The following MAEA variants were observed in gnomAD, a reference collection of about 807,000 sequenced individuals.
MAEA encodes E3 ubiquitin-protein transferase MAEA.
Under a neutral mutation model 46.2 loss-of-function variants are expected in MAEA, and 22 were observed. That is an observed-to-expected ratio of 0.48 (90% CI 0.34 to 0.68). The LOEUF (loss-of-function observed/expected upper bound fraction) is 0.68. MAEA is among the 30% of genes least tolerant of loss of function. The pLI is 0.01. For missense variants in MAEA, 393 were observed against 558.1 expected (o/e 0.70, Z 2.98); for synonymous variants, 246 against 222.6 (o/e 1.11, Z -0.94).
intron 5 of MAEA, chr4:1,330,117 A>G (rs1393102830): frequency 7.1e-6 from 7 of 985,312 alleles, no homozygotes; most frequent in Middle Eastern, 5.2e-4. Context: ...GCGAAATGCA[A>G]AAGTATGAGC....
chr4:1,299,755 T>C (rs1040286846), intron 1 of MAEA: 5 of 152,304 alleles, frequency 3.3e-5, no homozygotes, highest in African/African-American at 1.2e-4. Context: ...TGGTCCCATG[T>C]CCTCACCTCC....
rs147773968 is a variant in MAEA at position 1,307,017 on chromosome 4, C to A, written c.70-4962C>A. 1.7e-3 allele frequency among the ~76,000 whole-genome samples: 259 copies of A among 152,314 alleles called. 4 individuals are homozygous for A. The highest frequency in any genetic ancestry group is 5.8e-3 in the African/African-American group (243 of 41,554). On this transcript the variant is annotated intron_variant, in intron 1 of 8. Coordinates refer to ENST00000303400, the MANE Select transcript of MAEA (RefSeq NM_001017405.3). ...TTCTGGGTTCCCCACCCTGTATTGA[C>A]CCCTGCATCCATTCCTAGACCAGTG...
Position 1,311,374 on chromosome 4 carries a change from C to T in MAEA, c.70-605C>T, listed in dbSNP as rs749289853. ...TCTCAGAGGGACAGAAAACTAACAA[C>T]GACTTTAAGATTCTCCTTGATTGGC... On this transcript the variant is annotated intron_variant, in intron 1 of 8. Transcript: ENST00000303400. This position sits in a 1 kb window ranked among gnomAD's most constrained non-coding sequence, Gnocchi z 4.4. Among the ~76,000 whole-genome samples the T allele has an allele frequency of 3.9e-5, 6 of 152,246 alleles. No individual in the cohort carries two copies. Among genetic ancestry groups the T allele is most frequent in the Non-Finnish European group, 8.8e-5 (6 of 68,052 alleles).
rs755017998 is a variant in MAEA, at chr4:1,337,006, C to A, written c.899+12C>A. Reference sequence around the variant, plus strand: ...GCCATCAAGACACCGTATCCTACCTCCCGTGCGCAGTGCGGTTTGGCCTGG... The same window carrying A: ...GCCATCAAGACACCGTATCCTACCTACCGTGCGCAGTGCGGTTTGGCCTGG... On this transcript the variant is annotated intron_variant, in intron 7 of 8. Coordinates refer to ENST00000303400, the MANE Select transcript of MAEA (RefSeq NM_001017405.3). 6.2e-7 allele frequency: 1 copy of A among 1,613,256 alleles called. No individual in the cohort carries two copies. Among genetic ancestry groups the A allele is most frequent in the Admixed American group, 1.7e-5 (1 of 60,000 alleles).
intron 6 of MAEA, 32 bp from the exon 7 acceptor site, chr4:1,336,829 A>C (rs1712828946): frequency 1.9e-6 from 3 of 1,601,170 alleles, no homozygotes; most frequent in Non-Finnish European, 2.6e-6. Flanking sequence ...CCCTGGGAGC[A>C]TCCCCAGGAC....
chr4:1,337,525 C>T (rs553140407), intron 7 of MAEA: 12 of 190,988 alleles, frequency 6.3e-5, no homozygotes, highest in Non-Finnish European at 1.1e-4. Flanking sequence ...TCCCTGCCTG[C>T]GACTCACTGT....
At chr4:1,337,753 G>C (rs1234772050) in intron 7 of MAEA, 1 of 172,392 alleles carries the variant, frequency 5.8e-6, no homozygotes, top group East Asian at 1.9e-4. Context: ...ACCTGTGACT[G>C]ACTCCGTCCT....
intron 3 of MAEA, among the ~76,000 whole-genome samples, chr4:1,316,804 A>G (rs1577184256): frequency 6.6e-6 from 1 of 152,124 alleles, no homozygotes; most frequent in African/African-American, 2.4e-5. Context: ...TCGGGTGCCC[A>G]TGGGGCCACA....
rs755061348 is a variant in MAEA at position 1,315,599 on chromosome 4, A to G, written c.455A>G (p.Glu152Gly). The G allele has an allele frequency of 6.2e-7, 1 of 1,612,562 alleles. No homozygotes were observed. Among genetic ancestry groups the G allele is most frequent in the South Asian group, 1.1e-5 (1 of 91,050 alleles). Reference sequence around the variant, plus strand: ...AAGCTGGCGCGCCAGAGCGGCATCGAGGTGGGTGCCCGCCAGACGCAGGCA... The same window carrying G: ...AAGCTGGCGCGCCAGAGCGGCATCGGGGTGGGTGCCCGCCAGACGCAGGCA... ...AVKLARQSGI[E>G]DLVNIEMFLT... The change falls in exon 3 of 9, where the codon GAG becomes GGG. Residue 152 changes from glutamate (E) to glycine (G), a missense_variant and splice_region_variant. By Grantham distance (98) the Glu-to-Gly change is moderately conservative. Coordinates refer to ENST00000303400, the MANE Select transcript of MAEA (RefSeq NM_001017405.3).
intron 1 of MAEA, among the ~76,000 whole-genome samples, chr4:1,298,896 T>C (rs1343879464): frequency 6.6e-6 from 1 of 152,130 alleles, no homozygotes; most frequent in Non-Finnish European, 1.5e-5. Context: ...TATTATTATT[T>C]TTAGAGATGG....
Position 1,304,615 on chromosome 4 carries a change from G to T in MAEA, c.70-7364G>T, listed in dbSNP as rs956702043. Among the ~76,000 whole-genome samples the T allele has an allele frequency of 2.6e-5, 4 of 151,680 alleles. No individual in the cohort carries two copies. The South Asian group carries it at 8.4e-4, about 32-fold the overall frequency. On this transcript the variant is annotated intron_variant, in intron 1 of 8. Transcript: ENST00000303400. ...GCCACCACGCCTGGCTAATTTTTTT[G>T]TATTTTTAGTACAGACGGGGGCATC... is the stretch of plus-strand genomic sequence containing the variant.
At chr4:1,313,248 T>TA (rs1303092401) in intron 2 of MAEA, among the ~76,000 whole-genome samples, 1 of 152,200 alleles carries the variant, frequency 6.6e-6, no homozygotes, top group African/African-American at 2.4e-5. Context: ...ATACCTTCAA[T>TA]ATGGGCATAA....
intron 7 of MAEA, 64 bp downstream of exon 7, chr4:1,337,058 C>T: frequency 6.4e-7 from 1 of 1,570,476 alleles, no homozygotes; most frequent in Admixed American, 1.7e-5. Flanking sequence ...CATATTTTAA[C>T]ACGCTGACCC....
At chr4:1,295,573 T>A (rs1423145610) in intron 1 of MAEA, among the ~76,000 whole-genome samples, 1 of 151,400 alleles carries the variant, frequency 6.6e-6, no homozygotes, top group Non-Finnish European at 1.5e-5. Flanking sequence ...CGCCCATGCC[T>A]GTCACGCAGA....
intron 7 of MAEA, chr4:1,338,118 C>T (rs998645977): frequency 1.1e-5 from 4 of 358,994 alleles, no homozygotes; most frequent in Non-Finnish European, 2.1e-5. Context: ...GGCTCTTGTC[C>T]TGCCTGGAGA....
intron 1 of MAEA, among the ~76,000 whole-genome samples, chr4:1,298,450 G>A (rs1734997178): frequency 1.6e-5 from 2 of 127,116 alleles, no homozygotes; most frequent in African/African-American, 8.4e-5. Context: ...CTGGTTAACT[G>A]TGTGCGGGAC....
chr4:1,322,326 G>A (rs1001825682), intron 3 of MAEA, 55 bp from the exon 4 acceptor site: 25 of 1,598,014 alleles, frequency 1.6e-5, no homozygotes, highest in Non-Finnish European at 2.0e-5. Flanking sequence ...TGGGAGGGTG[G>A]CATGGGGGCC....
chr4:1,326,843 G>A lies in MAEA; in HGVS notation c.580-784G>A, dbSNP rs150103084. 5.9e-3 allele frequency among the ~76,000 whole-genome samples: 900 copies of A among 152,326 alleles called. 8 individuals carry two copies. The highest frequency in any genetic ancestry group is 0.021 in the African/African-American group (860 of 41,568). ...CCCGGCTTCTGCCCGCCATGTTCTC[G>A]CCAGGTGTCTGTGCGGTCCCCCGTC... is the stretch of plus-strand genomic sequence containing the variant. On this transcript the variant is annotated intron_variant, in intron 4 of 8. Coordinates refer to ENST00000303400, the MANE Select transcript of MAEA (RefSeq NM_001017405.3).
At chr4:1,298,159 C>T (rs1734950742) in intron 1 of MAEA, 3 of 445,222 alleles carry the variant, frequency 6.7e-6, no homozygotes, top group Non-Finnish European at 1.4e-5. Context: ...CCCCCCATGC[C>T]TGCCCCGTCC....
Sources: allele counts gnomAD v4.1 joint callset (sites outside exome capture counted in the v4.1 genomes callset), GRCh38; gene constraint gnomAD v4.1.1; non-coding constraint Gnocchi (gnomAD v3.1); transcripts MANE v1.5; gene names NCBI Gene and HGNC (gene_info 2026-07-23, HGNC 2026-07-21).